Variants in CARM1 observed in about 807,000 individuals in gnomAD.
CARM1 encodes the protein coactivator associated arginine methyltransferase 1.
Under a neutral mutation model 72.7 loss-of-function variants are expected in CARM1, and 14 were observed. The ratio of observed to expected loss-of-function variants is 0.19; its 90% CI spans 0.13 to 0.30. The LOEUF (loss-of-function observed/expected upper bound fraction) is 0.30, where lower values mean the gene tolerates loss of function less well. Ranked by LOEUF, CARM1 falls within the 10% of genes least tolerant of loss-of-function variation. The pLI is 1.00. For missense variants in CARM1, 432 were observed against 833.7 expected, an observed-to-expected ratio of 0.52 and a Z score of 5.93; for synonymous variants, 333 against 345.5, an observed-to-expected ratio of 0.96 and a Z score of 0.40.
chr19:10,909,957 C>T (rs1042629359), intron 4 of CARM1, among the ~76,000 whole-genome samples: 3 of 151,976 alleles, frequency 2.0e-5, no homozygotes, highest in African/African-American at 4.8e-5. Context: ...GGCAGAGTAG[C>T]TCACACCTGT....
At position 10,916,039 on chromosome 19, in the gene CARM1, C is replaced by G. The variant is rs902462856; in HGVS notation, c.848-368C>G. Among the ~76,000 whole-genome samples, 5 of 152,262 alleles carry G rather than the reference C, an allele frequency of 3.3e-5. No homozygotes were observed. Among genetic ancestry groups the G allele is most frequent in the African/African-American group, 1.2e-4 (5 of 41,470 alleles). ...GAGCAACTTTGCTATGCTTTCCCGG[C>G]TGCACACATGCACAGACGGCAGGGC... On this transcript the variant is annotated intron_variant, in intron 6 of 15. Coordinates refer to ENST00000327064, the MANE Select transcript of CARM1 (RefSeq NM_199141.2). The surrounding 1 kb of genome is among the most constrained non-coding windows in gnomAD (Gnocchi z 4.4).
intron 1 of CARM1, among the ~76,000 whole-genome samples, chr19:10,878,944 C>G (rs2073882189): frequency 6.6e-6 from 1 of 152,044 alleles, no homozygotes; most frequent in Non-Finnish European, 1.5e-5. Context: ...GTATCTGGGA[C>G]TACAGGCGTG....
chr19:10,894,004 G>T (rs1394809880), intron 1 of CARM1, among the ~76,000 whole-genome samples: 1 of 152,190 alleles, frequency 6.6e-6, no homozygotes, highest in Non-Finnish European at 1.5e-5. Flanking sequence ...TGGGCACATG[G>T]GTGCCAAGCC....
intron 3 of CARM1, 113 bp downstream of exon 3, chr19:10,908,258 C>G: frequency 4.4e-6 from 3 of 676,792 alleles, no homozygotes; most frequent in East Asian, 2.7e-5. Flanking sequence ...CGTCCTGGCT[C>G]TGTCCCTTAC....
At chr19:10,905,218 C>G in intron 2 of CARM1, 142 bp downstream of exon 2, 2 of 992,866 alleles carry the variant, frequency 2.0e-6, no homozygotes, top group East Asian at 5.1e-5. Context: ...TTCCCACATG[C>G]AGGTATGCCC....
rs542608296 is a variant in CARM1, at chr19:10,882,023, G to A, written c.220+10101G>A. 5.9e-5 allele frequency among the ~76,000 whole-genome samples: 9 copies of A among 152,222 alleles called. No individual in the cohort carries two copies. The South Asian group carries it at 1.9e-3, about 32-fold the overall frequency. Reference sequence around the variant, plus strand: ...TTAGAGGGAGGCTGAGGGCAGAGTCGTGCTTGTGGTAAGAGCTCTAGCAGG... The same window carrying A: ...TTAGAGGGAGGCTGAGGGCAGAGTCATGCTTGTGGTAAGAGCTCTAGCAGG... On this transcript the variant is annotated intron_variant, in intron 1 of 15. Transcript: ENST00000327064.
chr19:10,885,244 T>A (rs2073932635), intron 1 of CARM1, among the ~76,000 whole-genome samples: 1 of 152,232 alleles, frequency 6.6e-6, no homozygotes, highest in South Asian at 2.1e-4. Flanking sequence ...CAGACTGGGT[T>A]TGGGGGGCTC....
chr19:10,911,182 C>T (rs575105615), intron 4 of CARM1, among the ~76,000 whole-genome samples: 24 of 152,334 alleles, frequency 1.6e-4, no homozygotes, highest in African/African-American at 5.3e-4. Flanking sequence ...TGAGCCGCCG[C>T]ACCTGGCCTG....
intron 1 of CARM1, among the ~76,000 whole-genome samples, chr19:10,882,288 G>A (rs985985001): frequency 2.6e-5 from 4 of 152,198 alleles, no homozygotes; most frequent in African/African-American, 7.2e-5. Context: ...GGGATGGGGA[G>A]GCAAGGGACG....
At chr19:10,905,413 G>A (rs1299135914) in intron 2 of CARM1, among the ~76,000 whole-genome samples, 1 of 142,920 alleles carries the variant, frequency 7.0e-6, no homozygotes, top group South Asian at 2.2e-4. Flanking sequence ...TGGATGGAGT[G>A]AGGCGAGGTC....
At position 10,920,847 on chromosome 19, in the gene CARM1, A is replaced by G; in HGVS notation, c.1438A>G (p.Thr480Ala). The change falls in exon 13 of 16, where the codon ACG (threonine) becomes GCG (alanine). Residue 480 changes from threonine to alanine, a missense_variant. By Grantham distance (58) the Thr-to-Ala change is moderately conservative. This residue lies in a region of CARM1 where 142 missense variants were observed against 188.7 expected (regional missense o/e 0.75). Transcript: ENST00000327064. The surrounding 1 kb of genome is among the most constrained non-coding windows in gnomAD (Gnocchi z 5.3). Reference protein sequence around the residue: ...KNPFFRYTGTTPSPPPGSHYT... With the variant: ...KNPFFRYTGTAPSPPPGSHYT... ...TCTCTGCCATAGATACACGGGCACA[A>G]CGCCCTCACCCCCACCCGGCTCCCA... The G allele has an allele frequency of 6.2e-7, 1 of 1,614,114 alleles. No homozygotes were observed. The highest frequency in any genetic ancestry group is 8.5e-7 in the Non-Finnish European group (1 of 1,179,976).
chr19:10,888,454 G>A (rs771588737), intron 1 of CARM1, among the ~76,000 whole-genome samples: 1 of 152,176 alleles, frequency 6.6e-6, no homozygotes, highest in Admixed American at 6.5e-5. Context: ...GACCTGGAGG[G>A]TGGTTTGAGC....
intron 1 of CARM1, among the ~76,000 whole-genome samples, chr19:10,894,949 T>C (rs1038695293): frequency 2.6e-5 from 4 of 152,002 alleles, no homozygotes; most frequent in African/African-American, 9.7e-5. Context: ...CTCACTGTGT[T>C]ACCCAGGCTG....
intron 1 of CARM1, among the ~76,000 whole-genome samples, chr19:10,873,624 G>GTTTTTTGTTTT (rs2073837553): frequency 2.1e-5 from 1 of 47,342 alleles, no homozygotes; most frequent in African/African-American, 8.7e-5. Context: ...TTTTAGTTTA[G>GTTTTTTGTTTT]TTTTTTTTTT....
At chr19:10,894,073 G>A (rs2074006872) in intron 1 of CARM1, among the ~76,000 whole-genome samples, 1 of 152,226 alleles carries the variant, frequency 6.6e-6, no homozygotes, top group African/African-American at 2.4e-5. Flanking sequence ...ACCTCTGCCA[G>A]GGCAGTGGGG....
chr19:10,910,154 G>T (rs116339241), intron 4 of CARM1, among the ~76,000 whole-genome samples: 2 of 152,032 alleles, frequency 1.3e-5, no homozygotes, highest in Non-Finnish European at 1.5e-5. Flanking sequence ...ATTAAAGAGA[G>T]AGAGAACAGA....
intron 2 of CARM1, 95 bp downstream of exon 2, chr19:10,905,171 GC>G: frequency 6.8e-7 from 1 of 1,461,928 alleles, no homozygotes; most frequent in Non-Finnish European, 9.3e-7. Context: ...GGTGGCCCGT[GC>G]ATCCTTAAGA....
Position 10,916,564 on chromosome 19 carries a change from CCA to C in CARM1, c.938+68_938+69del. 2.1e-6 allele frequency: 3 copies of C among 1,432,512 alleles called. No homozygotes were observed. The highest frequency in any genetic ancestry group is 2.9e-6 in the Non-Finnish European group (3 of 1,019,972). 88.7% of individuals were successfully genotyped at this position (1,432,512 alleles called of 1,614,324 possible). ...CCTTCTCAGGGACAGCCCCAGCTCC[CCA>C]GAGAGCCTGCACTCCTCTTTTTCTG... is the stretch of plus-strand genomic sequence containing the variant. On this transcript the variant is annotated intron_variant, in intron 7 of 15. Transcript: ENST00000327064. This position sits in a 1 kb window ranked among gnomAD's most constrained non-coding sequence, Gnocchi z 4.4.
chr19:10,895,384 C>T (rs933377574), intron 1 of CARM1, among the ~76,000 whole-genome samples: 2 of 152,334 alleles, frequency 1.3e-5, no homozygotes, highest in Non-Finnish European at 1.5e-5. Flanking sequence ...GGATTACAGG[C>T]GCAAGCCACT....
Sources: gnomAD v4.1 joint callset for allele counts (sites outside exome capture counted in the v4.1 genomes callset) on GRCh38, gnomAD v4.1.1 for gene constraint, gnomAD v4.1.1 regional missense constraint, Gnocchi (gnomAD v3.1) non-coding constraint, MANE v1.5 for transcripts, NCBI Gene and HGNC (gene_info 2026-07-23, HGNC 2026-07-21) for gene names.